The following TRPC7 variants were observed in gnomAD, a reference collection of about 807,000 sequenced individuals.
TRPC7 encodes the protein transient receptor potential cation channel subfamily C member 7.
In TRPC7, 42 loss-of-function variants were observed where a neutral mutation model predicts 90.1. The observed-to-expected ratio is 0.47, with a 90% confidence interval of 0.36 to 0.60. The LOEUF (loss-of-function observed/expected upper bound fraction) is 0.60. TRPC7 is among the 20% of genes least tolerant of loss of function. The probability of loss-of-function intolerance (pLI) is 0.00; values close to 1 mark genes in which losing one functional copy is unlikely to be tolerated. For synonymous variants in TRPC7, 451 were observed against 436.3 expected, an observed-to-expected ratio of 1.03 and a Z score of -0.42; for missense variants, 955 against 1,112.3, an observed-to-expected ratio of 0.86 and a Z score of 2.01.
intron 10 of TRPC7, 89 bp downstream of exon 10, chr5:136,225,185 C>A (rs201278160): frequency 1.1e-5 from 13 of 1,160,588 alleles, no homozygotes; most frequent in Non-Finnish European, 1.6e-5. Flanking sequence ...GCTGTGTTCT[C>A]GGGGGATGAC....
intron 2 of TRPC7, among the ~76,000 whole-genome samples, chr5:136,352,868 C>G (rs1760243496): frequency 6.6e-6 from 1 of 152,202 alleles, no homozygotes; most frequent in Non-Finnish European, 1.5e-5. Context: ...CTGTAAGTTT[C>G]TTTAGAGCTT....
chr5:136,301,273 T>G (rs1758371765), intron 3 of TRPC7, among the ~76,000 whole-genome samples: 1 of 151,058 alleles, frequency 6.6e-6, no homozygotes, highest in Non-Finnish European at 1.5e-5. Context: ...ATGATCCACC[T>G]GCCTTGGCCT....
chr5:136,296,275 A>G (rs1758167905), intron 3 of TRPC7, among the ~76,000 whole-genome samples: 1 of 152,240 alleles, frequency 6.6e-6, no homozygotes, highest in South Asian at 2.1e-4. Flanking sequence ...TAATCTTAAT[A>G]ATACTCAGTG....
At chr5:136,282,571 G>T (rs1189656248) in intron 3 of TRPC7, among the ~76,000 whole-genome samples, 1 of 151,834 alleles carries the variant, frequency 6.6e-6, no homozygotes, top group Non-Finnish European at 1.5e-5. Context: ...TTTGTATATT[G>T]TTTTATACTC....
chr5:136,307,559 A>G (rs754441973), intron 3 of TRPC7, among the ~76,000 whole-genome samples: 3 of 152,242 alleles, frequency 2.0e-5, no homozygotes, highest in Non-Finnish European at 4.4e-5. Context: ...TTAAGAGGTT[A>G]TAGCCTGGAT....
intron 2 of TRPC7, among the ~76,000 whole-genome samples, chr5:136,326,678 G>GT (rs1221515380): frequency 3.3e-5 from 5 of 151,988 alleles, no homozygotes; most frequent in East Asian, 1.9e-4. Flanking sequence ...TAATGTGGTT[G>GT]TTTTTTTTCC....
At chr5:136,311,201 A>T (rs1356366305) in intron 3 of TRPC7, among the ~76,000 whole-genome samples, 1 of 152,056 alleles carries the variant, frequency 6.6e-6, no homozygotes, top group Non-Finnish European at 1.5e-5. Flanking sequence ...ATCCCACCTG[A>T]TCCTCATTAA....
At chr5:136,301,983 T>C (rs1318061987) in intron 3 of TRPC7, among the ~76,000 whole-genome samples, 1 of 152,242 alleles carries the variant, frequency 6.6e-6, no homozygotes, top group Non-Finnish European at 1.5e-5. Context: ...TCAAATCCAG[T>C]AAGCGGCCTC....
chr5:136,270,903 A>G (rs1289885626), intron 4 of TRPC7, among the ~76,000 whole-genome samples: 2 of 152,224 alleles, frequency 1.3e-5, no homozygotes, highest in Non-Finnish European at 2.9e-5. Flanking sequence ...TTTCCTCTCC[A>G]TGGCTATGCT....
chr5:136,270,690 G>A (rs1757181992), intron 4 of TRPC7, among the ~76,000 whole-genome samples: 1 of 152,214 alleles, frequency 6.6e-6, no homozygotes, highest in Admixed American at 6.5e-5. Flanking sequence ...GCTAAAAAGT[G>A]TGATAGGAAA....
chr5:136,346,855 T>C (rs1334235908), intron 2 of TRPC7, among the ~76,000 whole-genome samples: 1 of 152,192 alleles, frequency 6.6e-6, no homozygotes, highest in Non-Finnish European at 1.5e-5. Flanking sequence ...GCCCAATGCA[T>C]GTCCTTCCTG....
At chr5:136,308,418 T>C (rs894013555) in intron 3 of TRPC7, among the ~76,000 whole-genome samples, 3 of 152,212 alleles carry the variant, frequency 2.0e-5, no homozygotes, top group African/African-American at 7.2e-5. Flanking sequence ...CCAGACTGTG[T>C]CTGTGACAAC....
At chr5:136,314,883 A>T (rs925908417) in intron 3 of TRPC7, among the ~76,000 whole-genome samples, 1 of 152,248 alleles carries the variant, frequency 6.6e-6, no homozygotes, top group Non-Finnish European at 1.5e-5. Context: ...GAGTAATGTC[A>T]TCTAATAAAA....
rs762104982 is a variant in TRPC7 at position 136,266,331 on chromosome 5, C to T, written c.1234G>A (p.Gly412Ser). The T allele has an allele frequency of 2.5e-6, 4 of 1,613,688 alleles. No homozygotes were observed. Among genetic ancestry groups the T allele is most frequent in the Admixed American group, 1.7e-5 (1 of 59,984 alleles). Residue 412 changes from glycine to serine, a missense_variant, in exon 5 of 12, where the codon GGT becomes AGT. Gly to Ser is a moderately conservative substitution (Grantham distance 56, BLOSUM62 0). Transcript: ENST00000513104. The stretch of plus-strand genomic sequence containing the variant: ...GTTTCGTTTGGCAGGGTTTTAACAC[C>T]TTCAAATCGGTCAGATGCATTCACA... ...LVVNASDRFE[G>S]VKTLPNETFT... is the part of the protein sequence containing the mutation.
chr5:136,301,782 A>T (rs547462261), intron 3 of TRPC7, among the ~76,000 whole-genome samples: 3 of 152,306 alleles, frequency 2.0e-5, no homozygotes, highest in Admixed American at 6.5e-5. Flanking sequence ...ATAAACAGCC[A>T]TGTTGTTCAC....
chr5:136,320,641 C>T, intron 2 of TRPC7, among the ~76,000 whole-genome samples: 1 of 152,132 alleles, frequency 6.6e-6, no homozygotes, highest in South Asian at 2.1e-4. Flanking sequence ...CTCCAGCCTC[C>T]CCATTTTCTC....
At chr5:136,335,796 C>T (rs1428236959) in intron 2 of TRPC7, among the ~76,000 whole-genome samples, 3 of 148,238 alleles carry the variant, frequency 2.0e-5, no homozygotes, top group Admixed American at 6.8e-5. Flanking sequence ...CCCAGCTACT[C>T]GGGAGGCTGA....
intron 2 of TRPC7, among the ~76,000 whole-genome samples, chr5:136,355,770 C>T (rs1057015111): frequency 5.3e-5 from 8 of 152,116 alleles, no homozygotes; most frequent in Non-Finnish European, 1.0e-4. Context: ...TGCACTCTAG[C>T]CTGGGTGACA....
At chr5:136,234,074 T>C (rs1347202097) in intron 7 of TRPC7, among the ~76,000 whole-genome samples, 1 of 152,208 alleles carries the variant, frequency 6.6e-6, no homozygotes, top group African/African-American at 2.4e-5. Flanking sequence ...GGAATGCTGA[T>C]ATGTTCAATT....
Sources: gnomAD v4.1 joint callset for allele counts (sites outside exome capture counted in the v4.1 genomes callset) on GRCh38, gnomAD v4.1.1 for gene constraint, MANE v1.5 for transcripts, NCBI Gene and HGNC (gene_info 2026-07-23, HGNC 2026-07-21) for gene names.